TNRC6B: variants seen among roughly 807,000 people sequenced by gnomAD.
The protein encoded by TNRC6B is trinucleotide repeat-containing gene 6B protein.
A neutral mutation model predicts 203.6 loss-of-function variants in TNRC6B; 52 were observed. The ratio of observed to expected loss-of-function variants is 0.26; its 90% CI spans 0.20 to 0.32. TNRC6B has a LOEUF of 0.32. Among genes scored for constraint, TNRC6B ranks in the 10% least tolerant of loss-of-function variants. TNRC6B has a pLI of 1.00. For missense variants in TNRC6B, 1,923 were observed against 2,286.2 expected (o/e 0.84, Z 3.24); for synonymous variants, 838 against 845.7 (o/e 0.99, Z 0.16).
At chr22:40,112,560 T>C (rs909301089) in intron 1 of TNRC6B, among the ~76,000 whole-genome samples, 2 of 152,204 alleles carry the variant, frequency 1.3e-5, no homozygotes, top group Non-Finnish European at 2.9e-5. Context: ...GGATCTTCAG[T>C]ATCCTTACTC....
intron 12 of TNRC6B, among the ~76,000 whole-genome samples, chr22:40,298,237 T>A (rs1231778091): frequency 4.6e-5 from 7 of 152,186 alleles, no homozygotes; most frequent in Non-Finnish European, 1.0e-4. Flanking sequence ...TATTATAGAT[T>A]TTAACTAACA....
intron 4 of TNRC6B, among the ~76,000 whole-genome samples, chr22:40,167,482 T>C (rs1377093499): frequency 1.3e-5 from 2 of 152,062 alleles, no homozygotes; most frequent in South Asian, 2.1e-4. Flanking sequence ...ATGTGCAAGA[T>C]GAAAAAGTTC....
intron 1 of TNRC6B, among the ~76,000 whole-genome samples, chr22:40,094,714 A>G (rs150032752): frequency 6.6e-4 from 101 of 152,352 alleles, no homozygotes; most frequent in Non-Finnish European, 1.2e-3. Flanking sequence ...TTTCATTGGT[A>G]AGCACTAGCT....
chr22:40,199,896 A>G (rs1466526919), intron 1 of TNRC6B, among the ~76,000 whole-genome samples: 1 of 152,038 alleles, frequency 6.6e-6, no homozygotes, highest in Non-Finnish European at 1.5e-5. Flanking sequence ...TTCTGGGTTC[A>G]AACGATTCTC....
intron 1 of TNRC6B, among the ~76,000 whole-genome samples, chr22:40,048,062 T>C (rs1169189724): frequency 6.6e-6 from 1 of 152,214 alleles, no homozygotes; most frequent in Non-Finnish European, 1.5e-5. Context: ...CTTGGAAAAT[T>C]CTGTCAGTTT....
chr22:40,281,925 A>G (rs1198836028), intron 11 of TNRC6B, among the ~76,000 whole-genome samples: 1 of 152,150 alleles, frequency 6.6e-6, no homozygotes, highest in Non-Finnish European at 1.5e-5. Flanking sequence ...GCCTGGGAGG[A>G]TCATGCCTCC....
chr22:40,216,503 C>T (rs564249479), intron 1 of TNRC6B, among the ~76,000 whole-genome samples: 26 of 152,258 alleles, frequency 1.7e-4, no homozygotes, highest in African/African-American at 5.3e-4. Flanking sequence ...TTTGGTGAAT[C>T]AGTTTTTACC....
chr22:40,265,463 A>T lies in TNRC6B; in HGVS notation c.1233A>T (p.Ser411=), dbSNP rs1206364660. The change falls in exon 5 of 23, where the codon TCA becomes TCT. Residue 411 remains serine, a synonymous_variant. Transcript: ENST00000454349. ...CCTCCAGGAGCACTGATGCCCCTTCACAAAGCACTGGAGATCGAAAGACTG... is the reference window on the plus strand; with the variant it reads ...CCTCCAGGAGCACTGATGCCCCTTCTCAAAGCACTGGAGATCGAAAGACTG... The part of the protein sequence containing the change: ...GNTSRSTDAP[S]QSTGDRKTGS... The T allele has an allele frequency of 2.5e-6, 4 of 1,614,026 alleles. No individual in the cohort carries two copies. Among genetic ancestry groups the T allele is most frequent in the Non-Finnish European group, 2.5e-6 (3 of 1,179,882 alleles).
chr22:40,260,885 A>G (rs1282612952), intron 3 of TNRC6B, among the ~76,000 whole-genome samples: 2 of 152,158 alleles, frequency 1.3e-5, no homozygotes, highest in Non-Finnish European at 2.9e-5. Flanking sequence ...AGCAAACTGG[A>G]GAGATTGTGG....
At chr22:40,113,108 A>G (rs988063209) in intron 1 of TNRC6B, among the ~76,000 whole-genome samples, 6 of 152,182 alleles carry the variant, frequency 3.9e-5, no homozygotes, top group African/African-American at 1.4e-4. Flanking sequence ...CTCCATCTCA[A>G]CAACAACAAA....
At chr22:40,151,552 AG>A (rs1361986322) in intron 3 of TNRC6B, among the ~76,000 whole-genome samples, 1 of 138,832 alleles carries the variant, frequency 7.2e-6, no homozygotes, top group Non-Finnish European at 1.5e-5. Context: ...AAAAAAAAAA[AG>A]AAAAAAGAAA....
Position 40,300,986 on chromosome 22 carries a change from G to A in TNRC6B, c.3917G>A (p.Arg1306His). 1.9e-6 allele frequency: 3 copies of A among 1,613,196 alleles called. No homozygotes were observed. Among genetic ancestry groups the A allele is most frequent in the Non-Finnish European group, 1.7e-6 (2 of 1,179,556 alleles). The change falls in exon 14 of 23, where the codon CGC becomes CAC. Residue 1306 changes from arginine (R) to histidine (H), a missense_variant. Physicochemically the swap from Arg to His is conservative, Grantham distance 29. Transcript: ENST00000454349. ...CAGAGAAAGATTTCTCAAGCTGTAC[G>A]CCAACAGCAAGAGCAGCAGGTACGT... ...QNQRKISQAV[R>H]QQQEQQLARM...
At chr22:40,158,770 T>C (rs2068843049) in intron 4 of TNRC6B, among the ~76,000 whole-genome samples, 1 of 152,198 alleles carries the variant, frequency 6.6e-6, no homozygotes, top group Non-Finnish European at 1.5e-5. Context: ...TATTACATAC[T>C]GAAGTGATAA....
At chr22:40,315,920 C>T (rs752929616) in intron 20 of TNRC6B, 22 bp from the exon 21 acceptor site, 2 of 1,599,766 alleles carry the variant, frequency 1.3e-6, no homozygotes, top group South Asian at 1.1e-5. Context: ...CTCTTCCTAA[C>T]CATTTTTCTG....
chr22:40,289,243 C>T (rs1294913807), intron 12 of TNRC6B, among the ~76,000 whole-genome samples: 1 of 151,930 alleles, frequency 6.6e-6, no homozygotes, highest in East Asian at 1.9e-4. Context: ...GATCAAGCCA[C>T]TGCACTCCAG....
chr22:40,097,033 CT>C (rs2068191145), intron 1 of TNRC6B, among the ~76,000 whole-genome samples: 1 of 152,164 alleles, frequency 6.6e-6, no homozygotes, highest in Non-Finnish European at 1.5e-5. Flanking sequence ...AGACCCCATC[CT>C]TACCTGCCCC....
At chr22:40,197,787 C>CT (rs1302073936) in intron 1 of TNRC6B, among the ~76,000 whole-genome samples, 1 of 151,350 alleles carries the variant, frequency 6.6e-6, no homozygotes. Context: ...AAAAAAACTT[C>CT]TTTTAACAGA....
chr22:40,118,723 T>C (rs1251029809), intron 2 of TNRC6B, among the ~76,000 whole-genome samples: 1 of 152,176 alleles, frequency 6.6e-6, no homozygotes, highest in African/African-American at 2.4e-5. Context: ...GGGTTGACAG[T>C]CTAATCCTTA....
chr22:40,320,253 G>C (rs955098381), intron 21 of TNRC6B, among the ~76,000 whole-genome samples: 2 of 152,148 alleles, frequency 1.3e-5, no homozygotes, highest in African/African-American at 4.8e-5. Context: ...AGGCTGAGGC[G>C]AGTGGATCAC....
Sources: allele counts gnomAD v4.1 joint callset (sites outside exome capture counted in the v4.1 genomes callset), GRCh38; gene constraint gnomAD v4.1.1; transcripts MANE v1.5; gene names NCBI Gene and HGNC (gene_info 2026-07-23, HGNC 2026-07-21).